Variants in SLC16A13 observed in about 807,000 individuals in gnomAD.
SLC16A13 encodes the protein solute carrier family 16 member 13.
Under a neutral mutation model 28.1 loss-of-function variants are expected in SLC16A13, and 28 were observed. That is an observed-to-expected ratio of 1.00 (90% CI 0.74 to 1.37). The LOEUF is 1.37. SLC16A13 is among the 40% of genes most tolerant of loss of function. The pLI, the probability that SLC16A13 is intolerant of heterozygous loss-of-function variation, is 0.00. For synonymous variants in SLC16A13, 228 were observed against 241.6 expected, an observed-to-expected ratio of 0.94 and a Z score of 0.52; for missense variants, 482 against 531.8, an observed-to-expected ratio of 0.91 and a Z score of 0.92.
At chr17:7,037,552 A>C (rs1187927951) in intron 2 of SLC16A13, among the ~76,000 whole-genome samples, 4 of 151,606 alleles carry the variant, frequency 2.6e-5, no homozygotes, top group African/African-American at 7.3e-5. Context: ...CGGTGAAATC[A>C]CGTCTCTACT....
At position 7,039,391 on chromosome 17, in the gene SLC16A13, C is replaced by T. The variant is rs183675590; in HGVS notation, c.1082-372C>T. 1.2e-4 allele frequency among the ~76,000 whole-genome samples: 18 copies of T among 150,524 alleles called. No individual in the cohort carries two copies. The East Asian group carries it at 3.2e-3, about 26-fold the overall frequency. Reference sequence around the variant, plus strand: ...AGGAGAATGGCATGAACCCGGGAGGCGGAGCTTGCAGTGAGCTGAGATCGC... The same window carrying T: ...AGGAGAATGGCATGAACCCGGGAGGTGGAGCTTGCAGTGAGCTGAGATCGC... On this transcript the variant is annotated intron_variant, in intron 3 of 3. Transcript: ENST00000308027. This position sits in a 1 kb window ranked among gnomAD's most constrained non-coding sequence, Gnocchi z 4.3.
Position 7,038,320 on chromosome 17 carries a change from C to T in SLC16A13, c.512C>T (p.Ser171Phe), listed in dbSNP as rs1910636157. Residue 171 changes from serine (S) to phenylalanine (F), a missense_variant, in exon 3 of 4, where the codon TCC becomes TTC. Transcript: ENST00000308027. The surrounding 1 kb of genome is among the most constrained non-coding windows in gnomAD (Gnocchi z 5.7). Reference protein sequence around the residue: ...WLLSHYAWRGSLLLVSALSLH... With the variant: ...WLLSHYAWRGFLLLVSALSLH... The stretch of plus-strand genomic sequence containing the variant: ...CTCAGCCACTACGCCTGGAGGGGGT[C>T]CCTGCTGCTGGTGTCTGCCCTCTCC... The T allele has an allele frequency of 1.2e-6, 2 of 1,614,096 alleles. No individual in the cohort carries two copies. The highest frequency in any genetic ancestry group is 1.7e-6 in the Non-Finnish European group (2 of 1,180,020).
At chr17:7,037,227 A>C (rs965901261) in intron 2 of SLC16A13, among the ~76,000 whole-genome samples, 5 of 141,330 alleles carry the variant, frequency 3.5e-5, no homozygotes, top group Admixed American at 2.2e-4. Flanking sequence ...CGCTAATCCC[A>C]GTTACTCGGG....
intron 2 of SLC16A13, chr17:7,037,095 TA>T: frequency 2.1e-6 from 1 of 477,844 alleles, no homozygotes; most frequent in South Asian, 2.5e-5. Context: ...CTCACGCCTG[TA>T]ATCCCAGCAC....
Position 7,036,130 on chromosome 17 carries a change from A to G in SLC16A13, c.-253A>G, listed in dbSNP as rs931860466. 1 of 452,474 alleles carries G rather than the reference A, an allele frequency of 2.2e-6. No individual in the cohort carries two copies. Among genetic ancestry groups the G allele is most frequent in the Non-Finnish European group, 3.9e-6 (1 of 254,366 alleles). The allele number at this position is 452,474 out of a possible 1,614,324, so 28.0% of individuals were successfully genotyped here. A position where few individuals can be genotyped will look rare whatever the true frequency, so the allele number is the denominator to read the frequency against. On this transcript the variant is annotated 5_prime_UTR_variant, in exon 1 of 4. Coordinates refer to ENST00000308027, the MANE Select transcript of SLC16A13 (RefSeq NM_201566.3). ...CCCGGCTTGAACTAGCTCAGCTCCG[A>G]GCTCGCGGAACCACGCCCCCGGGAG... is the stretch of plus-strand genomic sequence containing the variant.
In SLC16A13 at chr17:7,036,101, C is replaced by T; in HGVS notation, c.-282C>T. On this transcript the variant is annotated 5_prime_UTR_variant, in exon 1 of 4. Coordinates refer to ENST00000308027, the MANE Select transcript of SLC16A13 (RefSeq NM_201566.3). ...GCCGAACACCGAACCGGGACCGATC[C>T]GGCCCCGGCTTGAACTAGCTCAGCT... is the stretch of plus-strand genomic sequence containing the variant. 1 of 366,604 alleles carries T rather than the reference C, an allele frequency of 2.7e-6. No homozygotes were observed. The highest frequency in any genetic ancestry group is 5.0e-6 in the Non-Finnish European group (1 of 201,816). The allele number at this position is 366,604 out of a possible 1,614,324, so 22.7% of individuals were successfully genotyped here.
rs1187596263 is a variant in SLC16A13 at position 7,038,888 on chromosome 17, A to G, written c.1080A>G (p.Ser360=). ...GGGGGCTGCTGGGGCCTCCTCTCTCAGGTAAGTGGAATGGGGTTCCCAGGG... is the reference window on the plus strand; with the variant it reads ...GGGGGCTGCTGGGGCCTCCTCTCTCGGGTAAGTGGAATGGGGTTCCCAGGG... ...SIGGLLGPPL[S]GYLRDVTGNY... Residue 360 remains serine, a splice_region_variant and synonymous_variant, in exon 3 of 4, where the codon TCA becomes TCG. Transcript: ENST00000308027. The surrounding 1 kb of genome is among the most constrained non-coding windows in gnomAD (Gnocchi z 5.7). 1.2e-6 allele frequency: 2 copies of G among 1,601,664 alleles called. No individual in the cohort carries two copies. Among genetic ancestry groups the G allele is most frequent in the Admixed American group, 3.4e-5 (2 of 58,550 alleles).
intron 2 of SLC16A13, chr17:7,037,213 G>A: frequency 5.5e-6 from 1 of 180,934 alleles, no homozygotes; most frequent in Admixed American, 5.9e-5. Context: ...GCCGGGCCTG[G>A]TGGCGCTAAT....
In SLC16A13 at chr17:7,039,990, A is replaced by G; in HGVS notation, c.*28A>G. 6.3e-7 allele frequency: 1 copy of G among 1,597,818 alleles called. No homozygotes were observed. The highest frequency in any genetic ancestry group is 8.6e-7 in the Non-Finnish European group (1 of 1,169,430). ...TCCACAGAGTCAGGCCCAGAAAGCC[A>G]AAGCTTGACAGCTCCAGGTCTTCTC... On this transcript the variant is annotated 3_prime_UTR_variant, in exon 4 of 4. Transcript: ENST00000308027. The surrounding 1 kb of genome is among the most constrained non-coding windows in gnomAD (Gnocchi z 4.3).
At position 7,036,715 on chromosome 17, in the gene SLC16A13, C is replaced by A. The variant is rs1045738564; in HGVS notation, c.200-12C>A. 2 of 1,611,314 alleles carry A rather than the reference C, an allele frequency of 1.2e-6. No homozygotes were observed. The highest frequency in any genetic ancestry group is 2.2e-5 in the East Asian group (1 of 44,874). ...CTGAGATCTTCTCGCAGCGCCCCTT[C>A]CACTTCCTCAGGCCCGGTAGGCAGT... On this transcript the variant is annotated splice_polypyrimidine_tract_variant and intron_variant, in intron 1 of 3. Coordinates refer to ENST00000308027, the MANE Select transcript of SLC16A13 (RefSeq NM_201566.3).
Position 7,040,050 on chromosome 17 carries a change from C to T in SLC16A13, c.*88C>T, listed in dbSNP as rs546781635. 1,105 of 1,217,898 alleles carry T rather than the reference C, an allele frequency of 9.1e-4. 3 individuals carry two copies. Among genetic ancestry groups the T allele is most frequent in the Non-Finnish European group, 1.1e-3 (967 of 856,288 alleles). 75.4% of individuals were successfully genotyped at this position (1,217,898 alleles called of 1,614,324 possible). On this transcript the variant is annotated 3_prime_UTR_variant, in exon 4 of 4. Coordinates refer to ENST00000308027, the MANE Select transcript of SLC16A13 (RefSeq NM_201566.3). ...CTTGGTCTCCACAGAACCACAGTGCCTTAAGATTCTTGATCTGCCTCCCCC... is the reference window on the plus strand; with the variant it reads ...CTTGGTCTCCACAGAACCACAGTGCTTTAAGATTCTTGATCTGCCTCCCCC...
chr17:7,036,511 G>T lies in SLC16A13; in HGVS notation c.129G>T (p.Ala43=), dbSNP rs199511309. The T allele has an allele frequency of 8.1e-6, 13 of 1,612,534 alleles. No individual in the cohort carries two copies. The East Asian group carries it at 2.9e-4, about 36-fold the overall frequency. The change falls in exon 1 of 4, where the codon GCG becomes GCT. Residue 43 remains alanine, a synonymous_variant. Transcript: ENST00000308027. The part of the protein sequence containing the change: ...SFGVFFVEFV[A]AFEEQAARVS... ...GGGTCTTCTTCGTGGAGTTTGTGGC[G>T]GCGTTTGAGGAGCAGGCAGCGCGCG...
rs1333929160 is a variant in SLC16A13, at chr17:7,038,415, C to T, written c.607C>T (p.Pro203Ser). 1.2e-6 allele frequency: 2 copies of T among 1,613,936 alleles called. No individual in the cohort carries two copies. Among genetic ancestry groups the T allele is most frequent in the African/African-American group, 1.3e-5 (1 of 74,896 alleles). ...SLAEDPAVGG[P>S]RAQLTSLLHH... ...GGCTGAGGACCCTGCTGTGGGTGGT[C>T]CCAGGGCCCAACTCACCTCTCTCCT... Residue 203 changes from proline (P) to serine (S), a missense_variant, in exon 3 of 4, where the codon CCC (proline) becomes TCC (serine). Pro to Ser is a moderately conservative substitution (Grantham distance 74, BLOSUM62 -1). Transcript: ENST00000308027. This position sits in a 1 kb window ranked among gnomAD's most constrained non-coding sequence, Gnocchi z 5.7.
Position 7,036,241 on chromosome 17 carries a change from T to C in SLC16A13, c.-142T>C, listed in dbSNP as rs1265036092. The C allele has an allele frequency of 1.3e-5, 10 of 788,864 alleles. No homozygotes were observed. Among genetic ancestry groups the C allele is most frequent in the Non-Finnish European group, 1.8e-5 (9 of 500,540 alleles). 48.9% of individuals were successfully genotyped at this position (788,864 alleles called of 1,614,324 possible). Reference sequence around the variant, plus strand: ...GGTGCAGGGGCCTCTCGCCGCCTCGTCGGGCCCTTCCTCTCTACCTGCCTC... The same window carrying C: ...GGTGCAGGGGCCTCTCGCCGCCTCGCCGGGCCCTTCCTCTCTACCTGCCTC... On this transcript the variant is annotated 5_prime_UTR_variant, in exon 1 of 4. Coordinates refer to ENST00000308027, the MANE Select transcript of SLC16A13 (RefSeq NM_201566.3).
chr17:7,039,750 C>G lies in SLC16A13; in HGVS notation c.1082-13C>G, dbSNP rs749731299. ...GATCACTCATGTGTATTCTTTTTCT[C>G]TCTTGGACCTAGGCTACCTCCGGGA... is the stretch of plus-strand genomic sequence containing the variant. On this transcript the variant is annotated splice_polypyrimidine_tract_variant and intron_variant, in intron 3 of 3. Coordinates refer to ENST00000308027, the MANE Select transcript of SLC16A13 (RefSeq NM_201566.3). This position sits in a 1 kb window ranked among gnomAD's most constrained non-coding sequence, Gnocchi z 4.3. 10 of 1,613,980 alleles carry G rather than the reference C, an allele frequency of 6.2e-6. No homozygotes were observed. Among genetic ancestry groups the G allele is most frequent in the Non-Finnish European group, 7.6e-6 (9 of 1,179,992 alleles).
In SLC16A13 at chr17:7,036,216, G is replaced by C. The variant is rs1597344117; in HGVS notation, c.-167G>C. Reference sequence around the variant, plus strand: ...CCTATATCGCCCCGCCTTGGGAAAAGGTGCAGGGGCCTCTCGCCGCCTCGT... The same window carrying C: ...CCTATATCGCCCCGCCTTGGGAAAACGTGCAGGGGCCTCTCGCCGCCTCGT... On this transcript the variant is annotated 5_prime_UTR_variant, in exon 1 of 4. Coordinates refer to ENST00000308027, the MANE Select transcript of SLC16A13 (RefSeq NM_201566.3). 3.4e-5 allele frequency: 22 copies of C among 652,282 alleles called. No homozygotes were observed. The South Asian group carries it at 4.0e-4, about 12-fold the overall frequency. 40.4% of individuals were successfully genotyped at this position (652,282 alleles called of 1,614,324 possible). A position where few individuals can be genotyped will look rare whatever the true frequency, so the allele number is the denominator to read the frequency against.
Position 7,038,457 on chromosome 17 carries a change from C to T in SLC16A13, c.649C>T (p.Leu217Phe). 1 of 1,613,964 alleles carries T rather than the reference C, an allele frequency of 6.2e-7. No individual in the cohort carries two copies. ...LTSLLHHGPFLRYTVALTLIN... is the reference protein window; with the variant it reads ...LTSLLHHGPFFRYTVALTLIN... Reference sequence around the variant, plus strand: ...CTCTCTCCTCCATCATGGCCCCTTCCTCCGTTACACTGTTGCCCTCACCCT... The same window carrying T: ...CTCTCTCCTCCATCATGGCCCCTTCTTCCGTTACACTGTTGCCCTCACCCT... Residue 217 changes from leucine (L) to phenylalanine (F), a missense_variant, in exon 3 of 4, where the codon CTC (leucine) becomes TTC (phenylalanine). Transcript: ENST00000308027. The surrounding 1 kb of genome is among the most constrained non-coding windows in gnomAD (Gnocchi z 5.7).
Position 7,039,983 on chromosome 17 carries a change from GAAAGCC to G in SLC16A13, c.*27_*32del. ...ACTGAACTCCACAGAGTCAGGCCCA[GAAAGCC>G]AAAGCTTGACAGCTCCAGGTCTTCT... On this transcript the variant is annotated 3_prime_UTR_variant, in exon 4 of 4. Transcript: ENST00000308027. The surrounding 1 kb of genome is among the most constrained non-coding windows in gnomAD (Gnocchi z 4.3). 1 of 1,606,506 alleles carries G rather than the reference GAAAGCC, an allele frequency of 6.2e-7. No homozygotes were observed. Among genetic ancestry groups the G allele is most frequent in the Non-Finnish European group, 8.5e-7 (1 of 1,176,086 alleles).
Position 7,039,719 on chromosome 17 carries a change from C to A in SLC16A13, c.1082-44C>A, listed in dbSNP as rs1202705114. On this transcript the variant is annotated intron_variant, in intron 3 of 3. Coordinates refer to ENST00000308027, the MANE Select transcript of SLC16A13 (RefSeq NM_201566.3). The surrounding 1 kb of genome is among the most constrained non-coding windows in gnomAD (Gnocchi z 4.3). ...AATGTATCTGAGCCCTCAGCCCCAGCAAATAGATCACTCATGTGTATTCTT... is the reference window on the plus strand; with the variant it reads ...AATGTATCTGAGCCCTCAGCCCCAGAAAATAGATCACTCATGTGTATTCTT... The A allele has an allele frequency of 6.2e-7, 1 of 1,602,714 alleles. No homozygotes were observed. Among genetic ancestry groups the A allele is most frequent in the Non-Finnish European group, 8.5e-7 (1 of 1,170,570 alleles).
Sources: allele counts gnomAD v4.1 joint callset (sites outside exome capture counted in the v4.1 genomes callset), GRCh38; gene constraint gnomAD v4.1.1; non-coding constraint Gnocchi (gnomAD v3.1); transcripts MANE v1.5; gene names NCBI Gene and HGNC (gene_info 2026-07-23, HGNC 2026-07-21).